ZNF804A: variants seen among roughly 807,000 people sequenced by gnomAD.
The protein encoded by ZNF804A is zinc finger protein 804A.
In ZNF804A, 2 loss-of-function variants were observed where a neutral mutation model predicts 16.5. The observed-to-expected ratio is 0.12, with a 90% CI of 0.05 to 0.38. The LOEUF (loss-of-function observed/expected upper bound fraction) is 0.38. Ranked by LOEUF, ZNF804A falls within the 10% of genes least tolerant of loss-of-function variation. The probability of loss-of-function intolerance (pLI) is 0.99; values close to 1 mark genes in which losing one functional copy is unlikely to be tolerated. For missense variants in ZNF804A, 1,473 were observed against 1,390.7 expected (o/e 1.06, Z -0.94); for synonymous variants, 534 against 489.6 (o/e 1.09, Z -1.20).
At chr2:184,814,577 T>G (rs955121954) in intron 1 of ZNF804A, among the ~76,000 whole-genome samples, 32 of 152,054 alleles carry the variant, frequency 2.1e-4, no homozygotes, top group Non-Finnish European at 7.4e-5. Flanking sequence ...ATGAGAAAGT[T>G]GTCATGGAAA....
chr2:184,666,573 T>A (rs1692258987), intron 1 of ZNF804A, among the ~76,000 whole-genome samples: 1 of 152,112 alleles, frequency 6.6e-6, no homozygotes, highest in Non-Finnish European at 1.5e-5. Flanking sequence ...GTTAAAATGA[T>A]TTTGTGGTCA....
chr2:184,688,326 TTC>T (rs1180367100), intron 1 of ZNF804A, among the ~76,000 whole-genome samples: 9 of 143,914 alleles, frequency 6.3e-5, no homozygotes, highest in South Asian at 2.2e-4. Flanking sequence ...ATCTTTTTCT[TTC>T]TCTCTCTCTC....
At chr2:184,764,333 A>C (rs559356063) in intron 1 of ZNF804A, among the ~76,000 whole-genome samples, 2 of 152,274 alleles carry the variant, frequency 1.3e-5, no homozygotes, top group African/African-American at 4.8e-5. Flanking sequence ...AATATGTCTA[A>C]ATTTGGCATT....
chr2:184,867,226 A>T lies in ZNF804A; in HGVS notation c.255+714A>T, dbSNP rs150004366. On this transcript the variant is annotated intron_variant, in intron 2 of 3. Coordinates refer to ENST00000302277, the MANE Select transcript of ZNF804A (RefSeq NM_194250.2). Reference sequence around the variant, plus strand: ...TTTCTAATATGCCTTATATTTACCAATGCAACTTCATTCATTGTTTAGCTA... The same window carrying T: ...TTTCTAATATGCCTTATATTTACCATTGCAACTTCATTCATTGTTTAGCTA... 2.1e-3 allele frequency among the ~76,000 whole-genome samples: 327 copies of T among 152,236 alleles called. 1 individual carries two copies. Among genetic ancestry groups the T allele is most frequent in the Middle Eastern group, 6.8e-3 (2 of 294 alleles).
chr2:184,680,634 T>A (rs150352115), intron 1 of ZNF804A, among the ~76,000 whole-genome samples: 105 of 152,370 alleles, frequency 6.9e-4, no homozygotes, highest in African/African-American at 2.5e-3. Context: ...AGCTGTATTG[T>A]CACTCAATAA....
intron 1 of ZNF804A, among the ~76,000 whole-genome samples, chr2:184,844,756 GT>G (rs1225060649): frequency 6.6e-6 from 1 of 151,684 alleles, no homozygotes; most frequent in Non-Finnish European, 1.5e-5. Context: ...TTTGGTACCT[GT>G]TACTAATTTG....
chr2:184,888,998 T>A lies in ZNF804A; in HGVS notation c.255+22486T>A, dbSNP rs138336495. Among the ~76,000 whole-genome samples, 809 of 152,106 alleles carry A rather than the reference T, an allele frequency of 5.3e-3. 11 individuals are homozygous for A. Among genetic ancestry groups the A allele is most frequent in the African/African-American group, 0.019 (787 of 41,570 alleles). On this transcript the variant is annotated intron_variant, in intron 2 of 3. Coordinates refer to ENST00000302277, the MANE Select transcript of ZNF804A (RefSeq NM_194250.2). ...GTTTATTTTACCCTAAAAACAAAAC[T>A]TTTTTCTGTTCTGTGTATGTGTGCA...
intron 1 of ZNF804A, among the ~76,000 whole-genome samples, chr2:184,686,176 T>A (rs1692627301): frequency 1.3e-5 from 2 of 152,086 alleles, no homozygotes; most frequent in African/African-American, 4.8e-5. Flanking sequence ...CCCCCAAGAG[T>A]GCAGGGATGC....
chr2:184,854,447 C>T (rs12693396), intron 1 of ZNF804A, among the ~76,000 whole-genome samples: 48,659 of 151,792 alleles, frequency 0.32, 10,585 homozygotes, highest in African/African-American at 0.62. Flanking sequence ...ATGCCTCATA[C>T]AGGGTAAAGT....
At chr2:184,844,108 C>A (rs907724079) in intron 1 of ZNF804A, among the ~76,000 whole-genome samples, 3 of 151,854 alleles carry the variant, frequency 2.0e-5, no homozygotes, top group Non-Finnish European at 4.4e-5. Flanking sequence ...CTAAGTCCAC[C>A]ATGATACAAC....
At chr2:184,752,046 T>C (rs1195224865) in intron 1 of ZNF804A, among the ~76,000 whole-genome samples, 2 of 151,692 alleles carry the variant, frequency 1.3e-5, no homozygotes, top group African/African-American at 4.8e-5. Context: ...GTATATTAGT[T>C]TAACCTCTTT....
chr2:184,632,482 G>C (rs551796305), intron 1 of ZNF804A, among the ~76,000 whole-genome samples: 1 of 152,234 alleles, frequency 6.6e-6, no homozygotes, highest in South Asian at 2.1e-4. Context: ...TGCAAGCTCC[G>C]TCTCCTGGGT....
intron 1 of ZNF804A, among the ~76,000 whole-genome samples, chr2:184,812,992 G>A (rs1024923088): frequency 2.6e-5 from 4 of 152,056 alleles, no homozygotes; most frequent in Non-Finnish European, 1.5e-5. Context: ...AAAAAGAAAT[G>A]CCAAAATAAA....
chr2:184,806,549 A>G (rs1210512757), intron 1 of ZNF804A, among the ~76,000 whole-genome samples: 1 of 151,880 alleles, frequency 6.6e-6, no homozygotes, highest in East Asian at 1.9e-4. Flanking sequence ...CAAGCCAGAT[A>G]AAATAATAGG....
chr2:184,602,054 T>A (rs1691057749), intron 1 of ZNF804A, among the ~76,000 whole-genome samples: 1 of 151,982 alleles, frequency 6.6e-6, no homozygotes. Flanking sequence ...TCCAGAACGT[T>A]ATCCTGCCAT....
intron 1 of ZNF804A, among the ~76,000 whole-genome samples, chr2:184,844,523 A>G (rs898631990): frequency 6.6e-6 from 1 of 151,042 alleles, no homozygotes; most frequent in Non-Finnish European, 1.5e-5. Flanking sequence ...TCAATATTTC[A>G]TTTTATTCTC....
intron 1 of ZNF804A, among the ~76,000 whole-genome samples, chr2:184,786,964 T>C (rs181686492): frequency 9.1e-4 from 138 of 152,024 alleles, no homozygotes; most frequent in Admixed American, 9.2e-4. Flanking sequence ...AAAACTAATA[T>C]TAATATACTT....
At chr2:184,641,781 A>G (rs1435928189) in intron 1 of ZNF804A, among the ~76,000 whole-genome samples, 2 of 152,216 alleles carry the variant, frequency 1.3e-5, no homozygotes, top group Non-Finnish European at 2.9e-5. Flanking sequence ...TTTAATTGCA[A>G]CATATGCAGT....
intron 1 of ZNF804A, among the ~76,000 whole-genome samples, chr2:184,745,386 A>G (rs1320359847): frequency 1.3e-5 from 2 of 151,796 alleles, no homozygotes; most frequent in Non-Finnish European, 1.5e-5. Context: ...ATAATAGCTA[A>G]TGTATTCAGT....
Sources: allele counts gnomAD v4.1 joint callset (sites outside exome capture counted in the v4.1 genomes callset), GRCh38; gene constraint gnomAD v4.1.1; transcripts MANE v1.5; gene names NCBI Gene and HGNC (gene_info 2026-07-23, HGNC 2026-07-21).